The following PNO1 variants were observed in gnomAD, a reference collection of about 807,000 sequenced individuals.
PNO1 encodes RNA-binding protein PNO1.
In PNO1, 16 loss-of-function variants were observed where a neutral mutation model predicts 28.4. That is an observed-to-expected ratio of 0.56 (90% CI 0.38 to 0.85). The LOEUF is 0.85. Among genes scored for constraint, PNO1 ranks in the 40% least tolerant of loss-of-function variants. PNO1 has a pLI of 0.00. For missense variants in PNO1, 304 were observed against 312.2 expected (o/e 0.97, Z 0.20); for synonymous variants, 115 against 110.8 (o/e 1.04, Z -0.24).
At chr2:68,169,416 T>A (rs1260215351) in intron 5 of PNO1, among the ~76,000 whole-genome samples, 1 of 152,186 alleles carries the variant, frequency 6.6e-6, no homozygotes, top group African/African-American at 2.4e-5. Flanking sequence ...ATAGACAGTT[T>A]ATTGGAGAGT....
At chr2:68,165,152 C>T (rs1057093763) in intron 5 of PNO1, among the ~76,000 whole-genome samples, 2 of 150,984 alleles carry the variant, frequency 1.3e-5, no homozygotes, top group African/African-American at 4.9e-5. Flanking sequence ...ATCACGAGGT[C>T]AGGAGATCGA....
chr2:68,162,619 C>T lies in PNO1; in HGVS notation c.576C>T (p.Phe192=), dbSNP rs1007055249. The T allele has an allele frequency of 1.2e-6, 2 of 1,613,526 alleles. No homozygotes were observed. Among genetic ancestry groups the T allele is most frequent in the African/African-American group, 2.7e-5 (2 of 75,002 alleles). Residue 192 remains phenylalanine, a synonymous_variant, in exon 5 of 7, where the codon TTC becomes TTT. Coordinates refer to ENST00000263657, the MANE Select transcript of PNO1 (RefSeq NM_020143.4). The stretch of plus-strand genomic sequence containing the variant: ...CTGGCAAAGGAGGAAAAACCAAATT[C>T]ACCATAGAGAATGTGACACGGACAA... The part of the protein sequence containing the change: ...RIAGKGGKTK[F]TIENVTRTRI...
intron 5 of PNO1, among the ~76,000 whole-genome samples, chr2:68,170,635 T>C (rs112365652): frequency 2.7e-5 from 4 of 150,614 alleles, no homozygotes; most frequent in East Asian, 2.0e-4. Flanking sequence ...GTAGTCCCAG[T>C]TACTTGGGAG....
chr2:68,170,702 T>G (rs769419472), intron 5 of PNO1, among the ~76,000 whole-genome samples: 1 of 132,714 alleles, frequency 7.5e-6, no homozygotes, highest in African/African-American at 2.9e-5. Context: ...GAGCCGAGAT[T>G]GCGCCACTGC....
intron 2 of PNO1, 28 bp from the exon 3 acceptor site, chr2:68,161,655 T>C (rs1673833985): frequency 5.2e-6 from 7 of 1,357,810 alleles, no homozygotes; most frequent in Non-Finnish European, 7.4e-6. Flanking sequence ...CTCAACGGTA[T>C]TTTGTACCCT....
At chr2:68,160,004 C>T (rs934205009) in intron 2 of PNO1, among the ~76,000 whole-genome samples, 14 of 146,264 alleles carry the variant, frequency 9.6e-5, no homozygotes, top group African/African-American at 3.4e-4. Context: ...AGTCTTGCTC[C>T]GTTGCCCAGG....
At chr2:68,171,446 G>T (rs954821797) in intron 5 of PNO1, among the ~76,000 whole-genome samples, 1 of 152,076 alleles carries the variant, frequency 6.6e-6, no homozygotes, top group African/African-American at 2.4e-5. Context: ...AGTTGACTTC[G>T]GTCTGCACAG....
At chr2:68,173,141 G>A in intron 5 of PNO1, 2 of 315,676 alleles carry the variant, frequency 6.3e-6, no homozygotes, top group African/African-American at 2.4e-5. Flanking sequence ...ACTCAGGTTG[G>A]CATGTTGCAC....
At chr2:68,165,160 C>G (rs1350231136) in intron 5 of PNO1, among the ~76,000 whole-genome samples, 1 of 150,876 alleles carries the variant, frequency 6.6e-6, no homozygotes, top group Admixed American at 6.6e-5. Flanking sequence ...GTCAGGAGAT[C>G]GAGACCATCC....
At chr2:68,163,817 T>C (rs1170948247) in intron 5 of PNO1, among the ~76,000 whole-genome samples, 1 of 152,128 alleles carries the variant, frequency 6.6e-6, no homozygotes, top group East Asian at 1.9e-4. Context: ...GAAGCTGGGA[T>C]TACCCCTGTC....
chr2:68,158,859 C>T (rs1332707663), intron 2 of PNO1, among the ~76,000 whole-genome samples: 1 of 152,184 alleles, frequency 6.6e-6, no homozygotes, highest in Non-Finnish European at 1.5e-5. Context: ...AATATAAGCA[C>T]TTGCTGCTTT....
chr2:68,161,315 TGA>T lies in PNO1; in HGVS notation c.358-361_358-360del, dbSNP rs370681963. ...TCAGGAATCCCAGGGAAGACTGCCT[TGA>T]GAGAGAAGAGAAGAGGACATTGGGC... On this transcript the variant is annotated intron_variant, in intron 2 of 6. Coordinates refer to ENST00000263657, the MANE Select transcript of PNO1 (RefSeq NM_020143.4). The T allele has an allele frequency of 1.1e-3, 542 of 474,942 alleles. 5 individuals carry two copies. The highest frequency in any genetic ancestry group is 0.01 in the African/African-American group (508 of 50,330). The allele number at this position is 474,942 out of a possible 1,614,324, so 29.4% of individuals were successfully genotyped here. A position where few individuals can be genotyped will look rare whatever the true frequency, so the allele number is the denominator to read the frequency against.
chr2:68,174,288 G>GTTTTTTTTT (rs34323809), intron 6 of PNO1, among the ~76,000 whole-genome samples: 3 of 106,798 alleles, frequency 2.8e-5, no homozygotes, highest in Non-Finnish European at 5.5e-5. Flanking sequence ...TTCTGTTAAG[G>GTTTTTTTTT]TTTTTTTTTT....
In PNO1 at chr2:68,176,094, A is replaced by G. The variant is rs1674275705; in HGVS notation, c.*1292A>G. On this transcript the variant is annotated 3_prime_UTR_variant, in exon 7 of 7. Transcript: ENST00000263657. The stretch of plus-strand genomic sequence containing the variant: ...AAGTCTGTTTCTTCTAGTAAAGGTG[A>G]AATGATGAAAGAATGCTTTTTTCCC... 2 of 152,238 alleles carry G rather than the reference A, an allele frequency of 1.3e-5. No homozygotes were observed. Among genetic ancestry groups the G allele is most frequent in the South Asian group, 4.1e-4 (2 of 4,838 alleles). The allele number at this position is 152,238 out of a possible 1,614,324, so 9.4% of individuals were successfully genotyped here.
chr2:68,170,039 A>G (rs1202832886), intron 5 of PNO1, among the ~76,000 whole-genome samples: 2 of 152,238 alleles, frequency 1.3e-5, no homozygotes, highest in African/African-American at 4.8e-5. Flanking sequence ...ACTGAATTAC[A>G]GACTACTTGA....
intron 6 of PNO1, 70 bp from the exon 7 acceptor site, chr2:68,174,665 A>G: frequency 9.9e-7 from 1 of 1,014,308 alleles, no homozygotes; most frequent in Non-Finnish European, 1.5e-6. Flanking sequence ...TTCCTTAGAC[A>G]CTGAGGGACA....
intron 2 of PNO1, among the ~76,000 whole-genome samples, chr2:68,160,916 C>G (rs759979548): frequency 6.6e-6 from 1 of 152,224 alleles, no homozygotes; most frequent in Non-Finnish European, 1.5e-5. Context: ...GTGGTCTCTT[C>G]AACTAGACTG....
chr2:68,174,399 C>A (rs1401444025), intron 6 of PNO1, among the ~76,000 whole-genome samples: 1 of 148,574 alleles, frequency 6.7e-6, no homozygotes, highest in East Asian at 2.0e-4. Context: ...AGGTCCACAT[C>A]TGCGGATCGA....
rs554498443 is a variant in PNO1 at position 68,157,995 on chromosome 2, C to G, written c.61C>G (p.Arg21Gly). The change falls in exon 1 of 7, where the codon CGC (arginine) becomes GGC (glycine). Residue 21 changes from arginine (R) to glycine (G), a missense_variant. Transcript: ENST00000263657. ...RAEEGFTQVT[R>G]KGGRRAKKRQ... The stretch of plus-strand genomic sequence containing the variant: ...AGAGGAGGGCTTTACCCAGGTCACC[C>G]GCAAGGGTGGCCGACGGGCGAAGAA... The G allele has an allele frequency of 8.7e-6, 14 of 1,614,146 alleles. No individual in the cohort carries two copies. The Admixed American group carries it at 2.0e-4, about 23-fold the overall frequency.
Sources: allele counts gnomAD v4.1 joint callset (sites outside exome capture counted in the v4.1 genomes callset), GRCh38; gene constraint gnomAD v4.1.1; transcripts MANE v1.5; gene names NCBI Gene and HGNC (gene_info 2026-07-23, HGNC 2026-07-21).